Variants in PEX14 observed in about 807,000 individuals in gnomAD.
PEX14 encodes peroxisomal membrane protein PEX14.
PEX14 carries 15 observed loss-of-function variants against 49.5 expected under a neutral mutation model. The observed-to-expected ratio is 0.30, with a 90% CI of 0.20 to 0.47. The LOEUF is 0.47. Among genes scored for constraint, PEX14 ranks in the 20% least tolerant of loss-of-function variants. The pLI is 1.00. For synonymous variants in PEX14, 210 were observed against 212.7 expected (o/e 0.99, Z 0.11); for missense variants, 398 against 494.8 (o/e 0.80, Z 1.86).
In PEX14 at chr1:10,514,769, G is replaced by C. The variant is rs1641943518; in HGVS notation, c.84+19448G>C. On this transcript the variant is annotated intron_variant, in intron 2 of 8. Coordinates refer to ENST00000356607, the MANE Select transcript of PEX14 (RefSeq NM_004565.3). The surrounding 1 kb of genome is among the most constrained non-coding windows in gnomAD (Gnocchi z 4.4). ...CCTTTAAAAAAGTAGTTGTTTGCTT[G>C]TTTTTGCTACACCAAGCTTCTGGCA... Among the ~76,000 whole-genome samples, 1 of 152,178 alleles carries C rather than the reference G, an allele frequency of 6.6e-6. No homozygotes were observed. Among genetic ancestry groups the C allele is most frequent in the Admixed American group, 6.5e-5 (1 of 15,282 alleles).
chr1:10,576,818 G>A (rs548153613), intron 3 of PEX14, among the ~76,000 whole-genome samples: 60 of 150,560 alleles, frequency 4.0e-4, no homozygotes, highest in African/African-American at 1.3e-3. Context: ...AGTGCGTGGC[G>A]CGATCTCAGC....
chr1:10,565,826 C>T (rs1557848150), intron 3 of PEX14, among the ~76,000 whole-genome samples: 2 of 152,030 alleles, frequency 1.3e-5, no homozygotes, highest in African/African-American at 2.4e-5. Context: ...CCAGCCTGGG[C>T]GACCTCATTG....
intron 5 of PEX14, among the ~76,000 whole-genome samples, chr1:10,621,637 G>A (rs1641598000): frequency 1.3e-5 from 2 of 152,242 alleles, no homozygotes; most frequent in East Asian, 1.9e-4. Flanking sequence ...GAGCCACCGC[G>A]CCCGGCCAAG....
intron 2 of PEX14, among the ~76,000 whole-genome samples, chr1:10,505,931 T>C (rs1000140380): frequency 2.0e-5 from 3 of 152,216 alleles, no homozygotes; most frequent in African/African-American, 7.2e-5. Context: ...TCTGCCCGCC[T>C]CAGCCTCCCA....
At chr1:10,588,726 G>A (rs1325656135) in intron 3 of PEX14, among the ~76,000 whole-genome samples, 1 of 152,074 alleles carries the variant, frequency 6.6e-6, no homozygotes, top group African/African-American at 2.4e-5. Context: ...TTGTGTTCAA[G>A]TAAGCTCTAT....
intron 3 of PEX14, among the ~76,000 whole-genome samples, chr1:10,582,412 A>G (rs962020442): frequency 6.6e-6 from 1 of 152,198 alleles, no homozygotes; most frequent in African/African-American, 2.4e-5. Flanking sequence ...ATCCTCAGAA[A>G]ACCATATAAG....
At position 10,597,037 on chromosome 1, in the gene PEX14, G is replaced by T. The variant is rs1640850362; in HGVS notation, c.170-2201G>T. Among the ~76,000 whole-genome samples, 1 of 152,256 alleles carries T rather than the reference G, an allele frequency of 6.6e-6. No homozygotes were observed. Among genetic ancestry groups the T allele is most frequent in the African/African-American group, 2.4e-5 (1 of 41,466 alleles). ...GCCAGAGGGCAGAACTGCGGGCAGG[G>T]CGTCCTGTCCCTTTAACCAGCTCCG... On this transcript the variant is annotated intron_variant, in intron 3 of 8. Coordinates refer to ENST00000356607, the MANE Select transcript of PEX14 (RefSeq NM_004565.3). This position sits in a 1 kb window ranked among gnomAD's most constrained non-coding sequence, Gnocchi z 5.7.
At chr1:10,570,115 C>G (rs1639928411) in intron 3 of PEX14, among the ~76,000 whole-genome samples, 1 of 151,934 alleles carries the variant, frequency 6.6e-6, no homozygotes, top group African/African-American at 2.4e-5. Flanking sequence ...GTAATTTCTT[C>G]TAATAGTTTG....
At chr1:10,493,023 GA>G (rs1364429601) in intron 1 of PEX14, among the ~76,000 whole-genome samples, 1 of 152,158 alleles carries the variant, frequency 6.6e-6, no homozygotes, top group Non-Finnish European at 1.5e-5. Flanking sequence ...TCTGAAGGAT[GA>G]ACTAAAGGGA....
intron 2 of PEX14, among the ~76,000 whole-genome samples, chr1:10,520,036 A>C (rs1638228588): frequency 6.6e-6 from 1 of 151,716 alleles, no homozygotes; most frequent in Admixed American, 6.6e-5. Flanking sequence ...ACAGGGTCTC[A>C]CTTTGTTGCC....
chr1:10,543,409 C>G (rs1301406506), intron 3 of PEX14, among the ~76,000 whole-genome samples: 1 of 152,156 alleles, frequency 6.6e-6, no homozygotes, highest in East Asian at 1.9e-4. Flanking sequence ...GCTGGTATTA[C>G]AGGCATGAGC....
chr1:10,503,924 G>A (rs1641732970), intron 2 of PEX14, among the ~76,000 whole-genome samples: 1 of 151,934 alleles, frequency 6.6e-6, no homozygotes, highest in Admixed American at 6.6e-5. Context: ...AGTAGAGATG[G>A]GGTTTTGCCA....
chr1:10,507,537 G>T (rs1454590838), intron 2 of PEX14, among the ~76,000 whole-genome samples: 2 of 152,214 alleles, frequency 1.3e-5, no homozygotes, highest in Non-Finnish European at 2.9e-5. Context: ...CTAATGACAG[G>T]TTATGGGATG....
intron 1 of PEX14, among the ~76,000 whole-genome samples, chr1:10,477,643 C>T (rs1311869615): frequency 6.6e-6 from 1 of 152,206 alleles, no homozygotes; most frequent in Non-Finnish European, 1.5e-5. Flanking sequence ...ATATCAATCT[C>T]TGGTTTCCAG....
intron 5 of PEX14, among the ~76,000 whole-genome samples, chr1:10,621,709 T>C (rs1043043379): frequency 2.6e-5 from 4 of 152,078 alleles, no homozygotes; most frequent in Non-Finnish European, 5.9e-5. Flanking sequence ...CTTTGATGAG[T>C]TTTGGCTCAG....
At chr1:10,503,048 G>A (rs531664470) in intron 2 of PEX14, among the ~76,000 whole-genome samples, 4 of 151,594 alleles carry the variant, frequency 2.6e-5, no homozygotes, top group Admixed American at 6.6e-5. Flanking sequence ...CGATCCCCCC[G>A]CCTCAGTCTC....
chr1:10,571,663 G>A (rs936699888), intron 3 of PEX14, among the ~76,000 whole-genome samples: 1 of 152,028 alleles, frequency 6.6e-6, no homozygotes. Flanking sequence ...ACAAAAATTA[G>A]CTGGGTGTGG....
At chr1:10,481,475 T>C (rs1641282716) in intron 1 of PEX14, among the ~76,000 whole-genome samples, 1 of 152,106 alleles carries the variant, frequency 6.6e-6, no homozygotes, top group South Asian at 2.1e-4. Context: ...AGGGTCTTAC[T>C]CTGTCACCCA....
chr1:10,497,628 A>G (rs933999206), intron 2 of PEX14, among the ~76,000 whole-genome samples: 1 of 152,248 alleles, frequency 6.6e-6, no homozygotes, highest in African/African-American at 2.4e-5. Flanking sequence ...CATTTGGTGC[A>G]GAGCTGCCTG....
Sources: allele counts gnomAD v4.1 joint callset (sites outside exome capture counted in the v4.1 genomes callset), GRCh38; gene constraint gnomAD v4.1.1; non-coding constraint Gnocchi (gnomAD v3.1); transcripts MANE v1.5; gene names NCBI Gene and HGNC (gene_info 2026-07-23, HGNC 2026-07-21).